CTIF: variants seen among roughly 807,000 people sequenced by gnomAD.
The protein encoded by CTIF is CBP80/20-dependent translation initiation factor.
Under a neutral mutation model 66.0 loss-of-function variants are expected in CTIF, and 21 were observed. The ratio of observed to expected loss-of-function variants is 0.32; its 90% confidence interval spans 0.23 to 0.46. CTIF has a LOEUF of 0.46. Ranked by LOEUF, CTIF falls within the 20% of genes least tolerant of loss-of-function variation. The pLI is 1.00. For synonymous variants in CTIF, 345 were observed against 326.4 expected (o/e 1.06, Z -0.62); for missense variants, 739 against 812.7 (o/e 0.91, Z 1.10).
rs865935608 is a variant in CTIF at position 48,831,469 on chromosome 18, G to A, written c.1527+14093G>A. ...GGCACCTGCTGTACACTGTGACAGC[G>A]CTCAGCAGGGCCCTCCTCACTGCCC... is the stretch of plus-strand genomic sequence containing the variant. On this transcript the variant is annotated intron_variant, in intron 10 of 11. Coordinates refer to ENST00000256413, the MANE Select transcript of CTIF (RefSeq NM_014772.3). Among the ~76,000 whole-genome samples the A allele has an allele frequency of 5.3e-5, 8 of 152,228 alleles. No homozygotes were observed. In the South Asian group the frequency reaches 6.2e-4, roughly 12 times the overall value.
intron 10 of CTIF, among the ~76,000 whole-genome samples, chr18:48,845,166 G>GGA (rs367563817): frequency 4.6e-5 from 7 of 150,800 alleles, no homozygotes; most frequent in Non-Finnish European, 7.4e-5. Context: ...TGGGGGTGGG[G>GGA]GAGAGAGAGA....
intron 10 of CTIF, among the ~76,000 whole-genome samples, chr18:48,836,868 C>T (rs2068822464): frequency 6.6e-6 from 1 of 152,234 alleles, no homozygotes; most frequent in Admixed American, 6.5e-5. Flanking sequence ...GTCCACATCA[C>T]CTGCCATCAG....
intron 6 of CTIF, among the ~76,000 whole-genome samples, chr18:48,672,955 T>G (rs1041647516): frequency 6.6e-6 from 1 of 152,150 alleles, no homozygotes; most frequent in South Asian, 2.1e-4. Flanking sequence ...CTCTCCTTGC[T>G]TTCTCACCAG....
intron 1 of CTIF, among the ~76,000 whole-genome samples, chr18:48,591,541 A>T (rs953799957): frequency 2.0e-5 from 3 of 152,192 alleles, no homozygotes; most frequent in Non-Finnish European, 2.9e-5. Flanking sequence ...TTCAGATTAG[A>T]GGCAGAACTG....
chr18:48,646,901 C>CAAAAAAAAAAAAAAAAAAA (rs35904615), intron 3 of CTIF, among the ~76,000 whole-genome samples: 1 of 77,970 alleles, frequency 1.3e-5, no homozygotes, highest in Non-Finnish European at 2.3e-5. Context: ...TTGGCAGTTT[C>CAAAAAAAAAAAAAAAAAAA]AAAAAAAAAA....
At chr18:48,717,791 A>G (rs2092296454) in intron 7 of CTIF, among the ~76,000 whole-genome samples, 1 of 152,152 alleles carries the variant, frequency 6.6e-6, no homozygotes, top group Non-Finnish European at 1.5e-5. Flanking sequence ...CAGTAGTGCA[A>G]TAATAGTTCA....
chr18:48,645,518 C>T (rs1304038905), intron 3 of CTIF, among the ~76,000 whole-genome samples: 1 of 152,168 alleles, frequency 6.6e-6, no homozygotes, highest in East Asian at 1.9e-4. Flanking sequence ...ATCAGAGGGG[C>T]TCCAACCCCC....
chr18:48,796,739 G>A (rs2067928431), intron 9 of CTIF, among the ~76,000 whole-genome samples: 1 of 152,190 alleles, frequency 6.6e-6, no homozygotes, highest in Non-Finnish European at 1.5e-5. Context: ...CAGGGGAGAA[G>A]GACTTAGAAT....
intron 10 of CTIF, among the ~76,000 whole-genome samples, chr18:48,842,158 A>G (rs1484112060): frequency 6.6e-6 from 1 of 152,184 alleles, no homozygotes; most frequent in Non-Finnish European, 1.5e-5. Context: ...TGGACTTGTC[A>G]GTCAACTGAA....
intron 10 of CTIF, among the ~76,000 whole-genome samples, chr18:48,848,048 C>T (rs1310398015): frequency 3.9e-5 from 6 of 152,154 alleles, no homozygotes; most frequent in Admixed American, 1.3e-4. Flanking sequence ...GTACTCCTGA[C>T]GTGTAGGTGG....
At chr18:48,831,116 G>C (rs1288367365) in intron 10 of CTIF, among the ~76,000 whole-genome samples, 2 of 152,242 alleles carry the variant, frequency 1.3e-5, no homozygotes, top group Non-Finnish European at 2.9e-5. Flanking sequence ...CTGGCTGGTA[G>C]TGGTCCCTGG....
chr18:48,624,033 A>G (rs1003784891), intron 2 of CTIF, among the ~76,000 whole-genome samples: 1 of 151,822 alleles, frequency 6.6e-6, no homozygotes, highest in Non-Finnish European at 1.5e-5. Context: ...GCCATGTTTA[A>G]CATCATACCT....
intron 2 of CTIF, among the ~76,000 whole-genome samples, chr18:48,629,149 A>G (rs35246215): frequency 0.16 from 23,941 of 152,092 alleles, 2,043 homozygotes; most frequent in South Asian, 0.25. Context: ...CCCACCTGGC[A>G]CAGGTTTTAC....
At chr18:48,642,390 T>C (rs2090951030) in intron 3 of CTIF, among the ~76,000 whole-genome samples, 1 of 152,144 alleles carries the variant, frequency 6.6e-6, no homozygotes, top group South Asian at 2.1e-4. Flanking sequence ...GGGTAGGATG[T>C]TTGACTAGAT....
At chr18:48,684,075 C>T (rs990414653) in intron 6 of CTIF, among the ~76,000 whole-genome samples, 1 of 152,210 alleles carries the variant, frequency 6.6e-6, no homozygotes, top group African/African-American at 2.4e-5. Flanking sequence ...GAGCAAATGA[C>T]CTCAGTAGCC....
At position 48,758,340 on chromosome 18, in the gene CTIF, G is replaced by C. The variant is rs1202132139; in HGVS notation, c.1006G>C (p.Glu336Gln). ...KDSILPERIGERPKITLLQSS... is the reference protein window; with the variant it reads ...KDSILPERIGQRPKITLLQSS... ...CAGTATTCTTCCCGAGCGCATCGGG[G>C]AGCGGCCCAAAATTACCCTGCTCCA... Residue 336 changes from glutamate (E) to glutamine (Q), a missense_variant, in exon 8 of 12, where the codon GAG (glutamate) becomes CAG (glutamine). By Grantham distance (29) the Glu-to-Gln change is conservative. Coordinates refer to ENST00000256413, the MANE Select transcript of CTIF (RefSeq NM_014772.3). 5 of 1,612,280 alleles carry C rather than the reference G, an allele frequency of 3.1e-6. No individual in the cohort carries two copies. Among genetic ancestry groups the C allele is most frequent in the Non-Finnish European group, 4.2e-6 (5 of 1,179,646 alleles).
chr18:48,663,684 C>T (rs938607759), intron 3 of CTIF, 68 bp from the exon 4 acceptor site: 12 of 1,459,272 alleles, frequency 8.2e-6, no homozygotes, highest in Non-Finnish European at 1.2e-5. Flanking sequence ...CCCTCAGGCC[C>T]TGGCCCCGTG....
At chr18:48,628,243 T>G (rs1171624557) in intron 2 of CTIF, among the ~76,000 whole-genome samples, 1 of 152,118 alleles carries the variant, frequency 6.6e-6, no homozygotes, top group Non-Finnish European at 1.5e-5. Context: ...ATTAGTCACC[T>G]TAGAGGAGAT....
intron 1 of CTIF, among the ~76,000 whole-genome samples, chr18:48,541,412 G>C (rs1039459575): frequency 2.0e-5 from 3 of 152,224 alleles, no homozygotes; most frequent in African/African-American, 7.2e-5. Context: ...AGGGCCGAGA[G>C]GAAGGAGCCG....
Sources: gnomAD v4.1 joint callset for allele counts (sites outside exome capture counted in the v4.1 genomes callset) on GRCh38, gnomAD v4.1.1 for gene constraint, MANE v1.5 for transcripts, NCBI Gene and HGNC (gene_info 2026-07-23, HGNC 2026-07-21) for gene names.